Variants in GSKIP observed in about 807,000 individuals in gnomAD.
GSKIP encodes the protein GSK3B interacting protein, also known as GSK3B-interacting protein.
GSKIP carries 5 observed loss-of-function variants against 11.9 expected under a neutral mutation model. That is an observed-to-expected ratio of 0.42 (90% CI 0.22 to 0.89). The LOEUF (loss-of-function observed/expected upper bound fraction) is 0.89, where lower values mean the gene tolerates loss of function less well. GSKIP is among the 40% of genes least tolerant of loss of function. The pLI is 0.29. For synonymous variants in GSKIP, 70 were observed against 62.9 expected (o/e 1.11, Z -0.54); for missense variants, 150 against 166.6 (o/e 0.90, Z 0.55).
At chr14:96,380,411 G>C (rs1340490784) in intron 2 of GSKIP, 4 of 152,104 alleles carry the variant, frequency 2.6e-5, no homozygotes, top group African/African-American at 9.7e-5. Flanking sequence ...TAAGATTTTT[G>C]CTGATAATTT....
intron 3 of GSKIP, chr14:96,384,654 T>C (rs1889439857): frequency 6.6e-6 from 1 of 151,780 alleles, no homozygotes; most frequent in Non-Finnish European, 1.5e-5. Context: ...CTAAGATCAA[T>C]TGGAGTATCT....
chr14:96,368,447 G>T, intron 1 of GSKIP, among the ~76,000 whole-genome samples: 1 of 152,166 alleles, frequency 6.6e-6, no homozygotes, highest in East Asian at 1.9e-4. Context: ...TGGGATTACA[G>T]GCATGAGCCA....
At chr14:96,366,631 C>T (rs971165345) in intron 1 of GSKIP, among the ~76,000 whole-genome samples, 3 of 152,098 alleles carry the variant, frequency 2.0e-5, no homozygotes, top group Non-Finnish European at 4.4e-5. Context: ...GGTGACGTGC[C>T]CCTGTAATCC....
At chr14:96,367,016 G>A (rs1434145476) in intron 1 of GSKIP, among the ~76,000 whole-genome samples, 1 of 152,202 alleles carries the variant, frequency 6.6e-6, no homozygotes, top group African/African-American at 2.4e-5. Flanking sequence ...CAACACAGCA[G>A]CAGCCAATCC....
At chr14:96,367,029 C>T (rs139814635) in intron 1 of GSKIP, among the ~76,000 whole-genome samples, 1 of 152,318 alleles carries the variant, frequency 6.6e-6, no homozygotes, top group African/African-American at 2.4e-5. Flanking sequence ...GCCAATCCCC[C>T]ACATAATGTA....
intron 1 of GSKIP, among the ~76,000 whole-genome samples, chr14:96,373,517 A>G: frequency 6.6e-6 from 1 of 152,162 alleles, no homozygotes; most frequent in East Asian, 1.9e-4. Context: ...AAGATGTTAA[A>G]TGTTACCTCA....
chr14:96,385,868 G>T lies in GSKIP; in HGVS notation c.*184G>T. 1 of 526,602 alleles carries T rather than the reference G, an allele frequency of 1.9e-6. No homozygotes were observed. Among genetic ancestry groups the T allele is most frequent in the South Asian group, 2.5e-5 (1 of 40,458 alleles). The allele number at this position is 526,602 out of a possible 1,614,324, so 32.6% of individuals were successfully genotyped here. ...TTTGTCTTAGTTTCTGTTTCAGTAAGGGAATTCTGAGGCCGTTGCTATGAT... is the reference window on the plus strand; with the variant it reads ...TTTGTCTTAGTTTCTGTTTCAGTAATGGAATTCTGAGGCCGTTGCTATGAT... On this transcript the variant is annotated 3_prime_UTR_variant, in exon 4 of 4. Transcript: ENST00000555181.
intron 3 of GSKIP, among the ~76,000 whole-genome samples, chr14:96,382,854 G>C (rs901773881): frequency 2.6e-5 from 4 of 152,078 alleles, no homozygotes; most frequent in African/African-American, 9.7e-5. Flanking sequence ...GTGTTGAAAA[G>C]ATTTTCAACA....
chr14:96,371,554 C>A (rs1182219007), intron 1 of GSKIP, among the ~76,000 whole-genome samples: 1 of 151,658 alleles, frequency 6.6e-6, no homozygotes. Context: ...AAGAGATTCT[C>A]CCGCCTCAGC....
intron 1 of GSKIP, among the ~76,000 whole-genome samples, chr14:96,372,477 C>CTGAATTT (rs1180310785): frequency 6.6e-6 from 1 of 152,158 alleles, no homozygotes; most frequent in Non-Finnish European, 1.5e-5. Flanking sequence ...TTTGTCTGAG[C>CTGAATTT]TGAATTTTAG....
chr14:96,375,787 A>G lies in GSKIP; in HGVS notation c.-102-3901A>G, dbSNP rs566821850. Among the ~76,000 whole-genome samples the G allele has an allele frequency of 5.1e-4, 77 of 152,322 alleles. 1 individual carries two copies. The highest frequency in any genetic ancestry group is 3.4e-3 in the Middle Eastern group (1 of 292). ...GAGAAGTCCAAGGTAGAGGGGTCACATTTGGAGAGGGCCTTCTTGGCGGTG... is the reference window on the plus strand; with the variant it reads ...GAGAAGTCCAAGGTAGAGGGGTCACGTTTGGAGAGGGCCTTCTTGGCGGTG... On this transcript the variant is annotated intron_variant, in intron 1 of 3. Transcript: ENST00000555181.
rs1013598262 is a variant in GSKIP, at chr14:96,364,313, G to C, written c.-103+745G>C. On this transcript the variant is annotated intron_variant, in intron 1 of 3. Transcript: ENST00000555181. ...TATTAGCCGCCCAGCCACTTTGAGC[G>C]GCCACTGCCCTCCCCGAGCCCACGT... 5 of 152,218 alleles carry C rather than the reference G, an allele frequency of 3.3e-5. No individual in the cohort carries two copies. In the East Asian group the frequency reaches 9.6e-4, roughly 29 times the overall value. The allele number at this position is 152,218 out of a possible 1,614,324, so 9.4% of individuals were successfully genotyped here. A position where few individuals can be genotyped will look rare whatever the true frequency, so the allele number is the denominator to read the frequency against.
chr14:96,380,810 A>C (rs932156475), intron 2 of GSKIP, among the ~76,000 whole-genome samples: 2 of 152,238 alleles, frequency 1.3e-5, no homozygotes, highest in Non-Finnish European at 2.9e-5. Context: ...TATAGTGCAC[A>C]GTGATCACAC....
rs547890673 is a variant in GSKIP at position 96,373,419 on chromosome 14, A to G, written c.-102-6269A>G. On this transcript the variant is annotated intron_variant, in intron 1 of 3. Coordinates refer to ENST00000555181, the MANE Select transcript of GSKIP (RefSeq NM_016472.5). ...GTTTACACTCCCACTCAGTGTCTAA[A>G]TGTTCTGTGTTCTGCATCCTCAATA... Among the ~76,000 whole-genome samples the G allele has an allele frequency of 1.9e-4, 29 of 152,184 alleles. No homozygotes were observed. The Middle Eastern group carries it at 0.014, about 71-fold the overall frequency.
intron 1 of GSKIP, among the ~76,000 whole-genome samples, chr14:96,370,653 CCTAT>C (rs1387797978): frequency 6.6e-6 from 1 of 152,112 alleles, no homozygotes; most frequent in Non-Finnish European, 1.5e-5. Flanking sequence ...TACCTACCTA[CCTAT>C]CTGTCTATCT....
intron 1 of GSKIP, among the ~76,000 whole-genome samples, chr14:96,367,485 G>A (rs1354208261): frequency 6.6e-6 from 1 of 152,152 alleles, no homozygotes; most frequent in Non-Finnish European, 1.5e-5. Context: ...AATGTCAACT[G>A]AAAGGTCAGA....
At chr14:96,366,205 G>T (rs1486942816) in intron 1 of GSKIP, among the ~76,000 whole-genome samples, 1 of 152,032 alleles carries the variant, frequency 6.6e-6, no homozygotes, top group Non-Finnish European at 1.5e-5. Flanking sequence ...ATTAGAATAG[G>T]CTTTGGAAGG....
intron 1 of GSKIP, among the ~76,000 whole-genome samples, chr14:96,373,251 AAG>A (rs1491531996): frequency 3.2e-4 from 45 of 142,688 alleles, no homozygotes; most frequent in African/African-American, 1.1e-3. Context: ...AAAAAAAAAA[AAG>A]AAAGGAGGAT....
At chr14:96,377,246 C>A (rs1200468691) in intron 1 of GSKIP, among the ~76,000 whole-genome samples, 1 of 152,196 alleles carries the variant, frequency 6.6e-6, no homozygotes. Flanking sequence ...CAATAAAGAA[C>A]ATTTCCGTCA....
Sources: allele counts gnomAD v4.1 joint callset (sites outside exome capture counted in the v4.1 genomes callset), GRCh38; gene constraint gnomAD v4.1.1; transcripts MANE v1.5; gene names NCBI Gene and HGNC (gene_info 2026-07-23, HGNC 2026-07-21).